The following ROBO2 variants were observed in gnomAD, a reference collection of about 807,000 sequenced individuals.
ROBO2 encodes the protein roundabout guidance receptor 2, also known as roundabout homolog 2.
Under a neutral mutation model 160.8 loss-of-function variants are expected in ROBO2, and 53 were observed. That is an observed-to-expected ratio of 0.33 (90% CI 0.26 to 0.41). ROBO2 has a LOEUF of 0.41. ROBO2 is among the 10% of genes least tolerant of loss of function. The pLI, the probability that ROBO2 is intolerant of heterozygous loss-of-function variation, is 1.00. For missense variants in ROBO2, 1,577 were observed against 1,722.4 expected (o/e 0.92, Z 1.49); for synonymous variants, 664 against 611.7 (o/e 1.09, Z -1.26).
chr3:76,925,806 G>A lies in ROBO2; in HGVS notation c.110-172208G>A, dbSNP rs141227071. Among the ~76,000 whole-genome samples, 462 of 152,142 alleles carry A rather than the reference G, an allele frequency of 3.0e-3. 2 individuals are homozygous for A. The highest frequency in any genetic ancestry group is 0.011 in the African/African-American group (440 of 41,512). ...AACAAGTTGTCATCTGATCATAGTA[G>A]GTTCATTCATTTATTCAGAAAATAT... On this transcript the variant is annotated intron_variant, in intron 2 of 26. Coordinates refer to the ROBO2 transcript ENST00000487694.
At chr3:76,881,523 C>T (rs1486602728) in intron 2 of ROBO2, among the ~76,000 whole-genome samples, 2 of 152,102 alleles carry the variant, frequency 1.3e-5, no homozygotes, top group Non-Finnish European at 2.9e-5. Flanking sequence ...TTCCTAATGC[C>T]ATTTTCAAAC....
At chr3:75,986,223 T>C (rs1408951893) in intron 2 of ROBO2, among the ~76,000 whole-genome samples, 1 of 151,014 alleles carries the variant, frequency 6.6e-6, no homozygotes, top group East Asian at 1.9e-4. Context: ...TTTTTTTTAA[T>C]AGTAACTATC....
intron 2 of ROBO2, among the ~76,000 whole-genome samples, chr3:76,560,017 T>C (rs138007964): frequency 2.0e-4 from 31 of 152,216 alleles, no homozygotes; most frequent in Non-Finnish European, 4.0e-4. Context: ...GTCCATAGTT[T>C]TGATTGCTTT....
chr3:76,050,839 G>T (rs2067631255), intron 2 of ROBO2, among the ~76,000 whole-genome samples: 1 of 152,122 alleles, frequency 6.6e-6, no homozygotes, highest in Non-Finnish European at 1.5e-5. Context: ...AATGAATATT[G>T]CTGTGATGCT....
intron 2 of ROBO2, among the ~76,000 whole-genome samples, chr3:76,216,751 C>T (rs1347901223): frequency 7.9e-5 from 12 of 152,138 alleles, no homozygotes; most frequent in South Asian, 2.1e-4. Context: ...GACAGCTCAA[C>T]GAGACAGAAA....
At chr3:76,079,570 G>A (rs1212118402) in intron 2 of ROBO2, among the ~76,000 whole-genome samples, 1 of 148,080 alleles carries the variant, frequency 6.8e-6, no homozygotes, top group Non-Finnish European at 1.5e-5. Flanking sequence ...TGCAACCTCC[G>A]CCTCCCGGGT....
intron 2 of ROBO2, among the ~76,000 whole-genome samples, chr3:75,954,762 C>T (rs887587389): frequency 6.6e-6 from 1 of 151,784 alleles, no homozygotes; most frequent in African/African-American, 2.4e-5. Context: ...TATGTTTTAC[C>T]CAAGATTTTT....
chr3:76,704,876 G>A (rs1249043268), intron 2 of ROBO2, among the ~76,000 whole-genome samples: 2 of 147,096 alleles, frequency 1.4e-5, no homozygotes, highest in South Asian at 2.1e-4. Flanking sequence ...TAATGAAGGT[G>A]TTTTTGATTA....
intron 2 of ROBO2, among the ~76,000 whole-genome samples, chr3:76,881,573 T>A (rs1577225085): frequency 6.6e-6 from 1 of 152,306 alleles, no homozygotes; most frequent in East Asian, 1.9e-4. Context: ...TAGAATAATA[T>A]CAACATAAGG....
chr3:77,644,632 A>G, intron 24 of ROBO2, 72 bp from the exon 27 acceptor site: 4 of 1,317,628 alleles, frequency 3.0e-6, no homozygotes, highest in Non-Finnish European at 4.4e-6. Flanking sequence ...ACAGTGTTAT[A>G]TTCAAGAGTT....
intron 2 of ROBO2, among the ~76,000 whole-genome samples, chr3:77,160,967 A>T (rs1192641628): frequency 6.6e-6 from 1 of 152,148 alleles, no homozygotes; most frequent in African/African-American, 2.4e-5. Context: ...TGGATTCAGA[A>T]TATGTAGAGT....
intron 2 of ROBO2, among the ~76,000 whole-genome samples, chr3:76,830,106 T>A (rs188085011): frequency 5.3e-5 from 8 of 152,330 alleles, no homozygotes; most frequent in Admixed American, 3.3e-4. Flanking sequence ...TGTTCTGGCC[T>A]GTCTCCTGAA....
chr3:77,155,904 C>T (rs866560057), intron 2 of ROBO2, among the ~76,000 whole-genome samples: 5 of 152,000 alleles, frequency 3.3e-5, no homozygotes, highest in South Asian at 2.1e-4. Context: ...TGACCTCTTT[C>T]GTGGTCCCTT....
intron 2 of ROBO2, among the ~76,000 whole-genome samples, chr3:75,996,795 GATATATGTAAATCATCAATTCT>G (rs2065740977): frequency 1.3e-5 from 2 of 149,102 alleles, no homozygotes; most frequent in African/African-American, 4.9e-5. Flanking sequence ...CATCAATTCT[GATATATGTAAATCATCAATTCT>G]GATATTTGTA....
intron 2 of ROBO2, among the ~76,000 whole-genome samples, chr3:76,034,823 C>G (rs2067050080): frequency 6.6e-6 from 1 of 152,094 alleles, no homozygotes; most frequent in Non-Finnish European, 1.5e-5. Context: ...CATGCCCCAC[C>G]TCATGGCCTG....
intron 2 of ROBO2, among the ~76,000 whole-genome samples, chr3:76,728,838 G>T (rs2093591283): frequency 2.0e-5 from 3 of 152,074 alleles, no homozygotes; most frequent in South Asian, 4.1e-4. Context: ...TGATAAAAAC[G>T]TTTCCCCATT....
intron 2 of ROBO2, among the ~76,000 whole-genome samples, chr3:76,126,644 C>T (rs1173046657): frequency 6.6e-6 from 1 of 151,974 alleles, no homozygotes; most frequent in Non-Finnish European, 1.5e-5. Context: ...AAACCCAGTT[C>T]AAATGAGAAA....
At chr3:77,521,699 A>G (rs2090616269) in intron 5 of ROBO2, among the ~76,000 whole-genome samples, 2 of 151,276 alleles carry the variant, frequency 1.3e-5, no homozygotes, top group Admixed American at 1.3e-4. Context: ...AAGGTCTATA[A>G]ATTAGGACTG....
rs528916005 is a variant in ROBO2 at position 76,522,685 on chromosome 3, G to A, written c.110-575329G>A. 7.9e-5 allele frequency among the ~76,000 whole-genome samples: 12 copies of A among 152,020 alleles called. No homozygotes were observed. The South Asian group carries it at 2.1e-3, about 26-fold the overall frequency. ...AGATTCCACTGAATGATTTATCTCC[G>A]TTTTGCTATGGCCATTCATCTGTCT... On this transcript the variant is annotated intron_variant, in intron 2 of 26. Transcript: ENST00000487694.
Sources: gnomAD v4.1 joint callset for allele counts (sites outside exome capture counted in the v4.1 genomes callset) on GRCh38, gnomAD v4.1.1 for gene constraint, MANE v1.5 for transcripts, NCBI Gene and HGNC (gene_info 2026-07-23, HGNC 2026-07-21) for gene names.